CDK14: variants seen among roughly 807,000 people sequenced by gnomAD.
CDK14 encodes cyclin dependent kinase 14, also known as cyclin-dependent kinase 14.
In CDK14, 34 loss-of-function variants were observed where a neutral mutation model predicts 60.7. The ratio of observed to expected loss-of-function variants is 0.56; its 90% CI spans 0.43 to 0.75. The LOEUF is 0.75. CDK14 is among the 30% of genes least tolerant of loss of function. The pLI is 0.00. For missense variants in CDK14, 482 were observed against 564.1 expected (o/e 0.85, Z 1.47); for synonymous variants, 197 against 203.7 (o/e 0.97, Z 0.28).
intron 14 of CDK14, among the ~76,000 whole-genome samples, chr7:91,201,372 AT>A (rs2115997301): frequency 6.6e-6 from 1 of 152,290 alleles, no homozygotes; most frequent in African/African-American, 2.4e-5. Flanking sequence ...CCTGGAGAAT[AT>A]CCTGTTCACA....
intron 2 of CDK14, among the ~76,000 whole-genome samples, chr7:90,707,656 G>A (rs906988345): frequency 6.6e-6 from 1 of 152,110 alleles, no homozygotes. Context: ...CTGAGCCTTC[G>A]CAGTGGTGAC....
chr7:91,009,862 G>A (rs1292653921), intron 10 of CDK14, among the ~76,000 whole-genome samples: 3 of 152,034 alleles, frequency 2.0e-5, no homozygotes, highest in Non-Finnish European at 4.4e-5. Context: ...TCTACCCCAT[G>A]GTCACAAAGA....
Position 90,664,126 on chromosome 7 carries a change from A to C in CDK14, c.123+59877A>C, listed in dbSNP as rs1800922478. Among the ~76,000 whole-genome samples the C allele has an allele frequency of 1.3e-5, 2 of 152,244 alleles. 1 individual carries two copies. The highest frequency in any genetic ancestry group is 4.1e-4 in the South Asian group (2 of 4,828). On this transcript the variant is annotated intron_variant, in intron 2 of 14. Transcript: ENST00000380050. ...AAACAACCCCATCAAAAAGTGGGCA[A>C]AGGATATGAACAGACACTTCTCAAA...
intron 5 of CDK14, among the ~76,000 whole-genome samples, chr7:90,800,409 T>G (rs897889270): frequency 1.3e-5 from 2 of 152,164 alleles, no homozygotes; most frequent in African/African-American, 4.8e-5. Flanking sequence ...CAATAAATGT[T>G]ATATGAATTA....
chr7:90,768,788 CGAA>C (rs1417863201), intron 4 of CDK14, among the ~76,000 whole-genome samples: 8 of 151,972 alleles, frequency 5.3e-5, no homozygotes, highest in Non-Finnish European at 1.2e-4. Flanking sequence ...CATGGTAAAA[CGAA>C]GACAATAAAT....
chr7:90,843,882 T>A (rs1206023836), intron 5 of CDK14, among the ~76,000 whole-genome samples: 1 of 152,196 alleles, frequency 6.6e-6, no homozygotes, highest in East Asian at 1.9e-4. Flanking sequence ...CTATATAATG[T>A]AATGTAATTT....
At chr7:90,870,689 T>C (rs1791343307) in intron 6 of CDK14, among the ~76,000 whole-genome samples, 2 of 152,110 alleles carry the variant, frequency 1.3e-5, no homozygotes, top group South Asian at 4.1e-4. Flanking sequence ...TGGCAGGTGG[T>C]ATATTCATGG....
rs138968852 is a variant in CDK14, at chr7:90,729,414, C to A, written c.369+2602C>A. 1.9e-3 allele frequency among the ~76,000 whole-genome samples: 200 copies of A among 107,740 alleles called. 1 individual carries two copies. The highest frequency in any genetic ancestry group is 1.7e-3 in the Non-Finnish European group (98 of 56,730). The allele number at this position is 107,740 out of a possible 152,430, so 70.7% of individuals were successfully genotyped here. A position where few individuals can be genotyped will look rare whatever the true frequency, so the allele number is the denominator to read the frequency against. ...AATGTGACTTCTCAACCATTTGTGT[C>A]CTGTCTTTACATTTTTATTTCTATC... is the stretch of plus-strand genomic sequence containing the variant. On this transcript the variant is annotated intron_variant, in intron 3 of 14. Coordinates refer to ENST00000380050, the MANE Select transcript of CDK14 (RefSeq NM_001287135.2).
At chr7:90,852,772 G>T (rs1562798795) in intron 5 of CDK14, among the ~76,000 whole-genome samples, 1 of 152,144 alleles carries the variant, frequency 6.6e-6, no homozygotes, top group Non-Finnish European at 1.5e-5. Context: ...CTCGCTCAGG[G>T]CTGAGGTGAA....
At chr7:90,617,091 A>T (rs1462699152) in intron 2 of CDK14, among the ~76,000 whole-genome samples, 1 of 152,200 alleles carries the variant, frequency 6.6e-6, no homozygotes, top group Non-Finnish European at 1.5e-5. Flanking sequence ...ACATGTATAA[A>T]ATAGAAATTA....
At chr7:90,749,144 T>C (rs1036145276) in intron 4 of CDK14, among the ~76,000 whole-genome samples, 35 of 152,024 alleles carry the variant, frequency 2.3e-4, no homozygotes, top group African/African-American at 8.5e-4. Flanking sequence ...ATTTTGAGAG[T>C]TGTAAAAAAA....
chr7:90,644,076 A>AT (rs1339163256), intron 2 of CDK14, among the ~76,000 whole-genome samples: 2 of 152,312 alleles, frequency 1.3e-5, no homozygotes, highest in South Asian at 2.1e-4. Flanking sequence ...TGTTGAAGAG[A>AT]TAACAGAGAA....
At chr7:91,095,110 T>C (rs1397525849) in intron 12 of CDK14, among the ~76,000 whole-genome samples, 2 of 152,166 alleles carry the variant, frequency 1.3e-5, no homozygotes, top group African/African-American at 4.8e-5. Context: ...AAACAAAAAA[T>C]AGACAGTATA....
chr7:91,052,445 A>G (rs542911255), intron 11 of CDK14, among the ~76,000 whole-genome samples: 1 of 152,340 alleles, frequency 6.6e-6, no homozygotes, highest in East Asian at 1.9e-4. Context: ...AAAGCAGAGA[A>G]GTAGGGAGGA....
chr7:91,021,147 T>C (rs1426273952), intron 10 of CDK14, among the ~76,000 whole-genome samples: 1 of 152,186 alleles, frequency 6.6e-6, no homozygotes, highest in Non-Finnish European at 1.5e-5. Context: ...AATGCAATCA[T>C]GGGAGTGACT....
chr7:90,890,954 A>C (rs1049347553), intron 6 of CDK14, among the ~76,000 whole-genome samples: 1 of 152,140 alleles, frequency 6.6e-6, no homozygotes, highest in African/African-American at 2.4e-5. Flanking sequence ...GTGTGGTTGT[A>C]GTGAAATGTG....
intron 5 of CDK14, among the ~76,000 whole-genome samples, chr7:90,838,862 T>C (rs1790199773): frequency 6.6e-6 from 1 of 152,172 alleles, no homozygotes. Flanking sequence ...GCCCTTGCCT[T>C]GTGGTCTTGC....
At chr7:91,083,859 G>A (rs1798551651) in intron 12 of CDK14, among the ~76,000 whole-genome samples, 1 of 152,142 alleles carries the variant, frequency 6.6e-6, no homozygotes, top group Non-Finnish European at 1.5e-5. Context: ...AGTGGAAGAT[G>A]GTAAATTTGC....
At chr7:90,997,675 G>A (rs1230585753) in intron 10 of CDK14, among the ~76,000 whole-genome samples, 3 of 152,152 alleles carry the variant, frequency 2.0e-5, no homozygotes, top group Admixed American at 6.5e-5. Context: ...ACAGCTGAGA[G>A]GTGTTAATAA....
Sources: gnomAD v4.1 joint callset for allele counts (sites outside exome capture counted in the v4.1 genomes callset) on GRCh38, gnomAD v4.1.1 for gene constraint, MANE v1.5 for transcripts, NCBI Gene and HGNC (gene_info 2026-07-23, HGNC 2026-07-21) for gene names.